The following TRAF3IP1 variants were observed in gnomAD, a reference collection of about 807,000 sequenced individuals.
TRAF3IP1 encodes the protein TRAF3-interacting protein 1.
Under a neutral mutation model 89.9 loss-of-function variants are expected in TRAF3IP1, and 53 were observed. That is an observed-to-expected ratio of 0.59 (90% CI 0.47 to 0.74). TRAF3IP1 has a LOEUF of 0.74. Ranked by LOEUF, TRAF3IP1 falls within the 30% of genes least tolerant of loss-of-function variation. The pLI is 0.00. For missense variants in TRAF3IP1, 806 were observed against 866.1 expected, an observed-to-expected ratio of 0.93 and a Z score of 0.87; for synonymous variants, 311 against 322.1, an observed-to-expected ratio of 0.97 and a Z score of 0.37.
chr2:238,322,289 G>A lies in TRAF3IP1; in HGVS notation c.123+1504G>A, dbSNP rs180847501. Among the ~76,000 whole-genome samples, 71 of 152,348 alleles carry A rather than the reference G, an allele frequency of 4.7e-4. 1 individual carries two copies. The highest frequency in any genetic ancestry group is 7.2e-4 in the Non-Finnish European group (49 of 68,034). ...TGAAATGCAGAGCCCCAGGAGGGAGGTGCAGGGAGTGTGCCTTATCCTTGT... is the reference window on the plus strand; with the variant it reads ...TGAAATGCAGAGCCCCAGGAGGGAGATGCAGGGAGTGTGCCTTATCCTTGT... On this transcript the variant is annotated intron_variant, in intron 1 of 16. Coordinates refer to ENST00000373327, the MANE Select transcript of TRAF3IP1 (RefSeq NM_015650.4).
chr2:238,349,504 G>A (rs1699051127), intron 12 of TRAF3IP1, 96 bp downstream of exon 12: 1 of 1,272,134 alleles, frequency 7.9e-7, no homozygotes, highest in Non-Finnish European at 1.1e-6. Flanking sequence ...AGCAGCACAT[G>A]GTGCTGGAAA....
chr2:238,364,354 T>A (rs1361147722), intron 15 of TRAF3IP1, among the ~76,000 whole-genome samples: 1 of 152,088 alleles, frequency 6.6e-6, no homozygotes. Flanking sequence ...TTGCTCTCTT[T>A]TCAAGAGGAA....
In TRAF3IP1 at chr2:238,399,714, C is replaced by T. The variant is rs772568644; in HGVS notation, c.*795C>T. On this transcript the variant is annotated 3_prime_UTR_variant, in exon 17 of 17. Transcript: ENST00000373327. ...GTCCTTGTTCTCCTTAAGAGGGTCT[C>T]GCTCTGCAAAGCATTGGCGCCATGG... is the stretch of plus-strand genomic sequence containing the variant. 9 of 152,144 alleles carry T rather than the reference C, an allele frequency of 5.9e-5. No homozygotes were observed. The highest frequency in any genetic ancestry group is 1.9e-4 in the African/African-American group (8 of 41,424). The allele number at this position is 152,144 out of a possible 1,614,324, so 9.4% of individuals were successfully genotyped here.
chr2:238,323,271 G>T (rs569171458), intron 1 of TRAF3IP1, among the ~76,000 whole-genome samples: 1 of 152,190 alleles, frequency 6.6e-6, no homozygotes, highest in African/African-American at 2.4e-5. Context: ...TAGAGATGGG[G>T]TTTCGCCATG....
chr2:238,328,755 C>G lies in TRAF3IP1; in HGVS notation c.424C>G (p.Leu142Val). The change falls in exon 4 of 17, where the codon CTG (leucine) becomes GTG (valine). Residue 142 changes from leucine to valine, a missense_variant. Leu to Val is a conservative substitution (Grantham distance 32, BLOSUM62 1). Transcript: ENST00000373327. ...EKGEVKGRAS[L>V]TSRSQELDNK... Reference sequence around the variant, plus strand: ...GGGAGAAGTGAAAGGCCGGGCCTCACTGACCTCAAGATCTCAGGAATTGGA... The same window carrying G: ...GGGAGAAGTGAAAGGCCGGGCCTCAGTGACCTCAAGATCTCAGGAATTGGA... 5.0e-6 allele frequency: 8 copies of G among 1,614,046 alleles called. No homozygotes were observed. The highest frequency in any genetic ancestry group is 6.8e-6 in the Non-Finnish European group (8 of 1,179,992).
chr2:238,352,980 A>G (rs757265277), intron 13 of TRAF3IP1, 30 bp downstream of exon 13: 1 of 1,593,402 alleles, frequency 6.3e-7, no homozygotes, highest in Non-Finnish European at 8.5e-7. Flanking sequence ...ATGTTTTTTA[A>G]TAATAATGTT....
intron 15 of TRAF3IP1, among the ~76,000 whole-genome samples, chr2:238,356,463 C>T (rs1409644509): frequency 1.3e-5 from 2 of 152,110 alleles, no homozygotes; most frequent in African/African-American, 4.8e-5. Context: ...TGCCACGGCA[C>T]TCCAGCCTGG....
chr2:238,374,642 A>C (rs1574957051), intron 15 of TRAF3IP1, among the ~76,000 whole-genome samples: 1 of 152,126 alleles, frequency 6.6e-6, no homozygotes, highest in South Asian at 2.1e-4. Flanking sequence ...TGTTGGCCTC[A>C]TAAAATGAGT....
chr2:238,353,208 T>A lies in TRAF3IP1; in HGVS notation c.1611T>A (p.His537Gln). 1 of 1,614,150 alleles carries A rather than the reference T, an allele frequency of 6.2e-7. No individual in the cohort carries two copies. Among genetic ancestry groups the A allele is most frequent in the Non-Finnish European group, 8.5e-7 (1 of 1,179,990 alleles). The change falls in exon 14 of 17, where the codon CAT (histidine) becomes CAA (glutamine). Residue 537 changes from histidine (H) to glutamine (Q), a missense_variant and splice_region_variant. This residue lies in a region of TRAF3IP1 where 732 missense variants were observed against 780.5 expected (regional missense o/e 0.94). Coordinates refer to ENST00000373327, the MANE Select transcript of TRAF3IP1 (RefSeq NM_015650.4). ...TGGAACTAGAAGAAGAGGAGAAGCA[T>A]GGTGAGTCCTGGGCACGAGTGTGCA... is the stretch of plus-strand genomic sequence containing the variant. ...TAVELEEEEK[H>Q]GGLVKKILET...
At chr2:238,343,317 C>T (rs1240370312) in intron 8 of TRAF3IP1, among the ~76,000 whole-genome samples, 1 of 152,164 alleles carries the variant, frequency 6.6e-6, no homozygotes, top group Non-Finnish European at 1.5e-5. Context: ...CTCTCTTGAG[C>T]TCATGATCCA....
chr2:238,355,937 C>A, intron 14 of TRAF3IP1, 67 bp from the exon 15 acceptor site: 2 of 1,143,876 alleles, frequency 1.7e-6, no homozygotes, highest in Non-Finnish European at 2.6e-6. Context: ...CACCATCCCA[C>A]CCATTTAGAA....
At chr2:238,324,244 T>A (rs1211604630) in intron 1 of TRAF3IP1, among the ~76,000 whole-genome samples, 1 of 152,150 alleles carries the variant, frequency 6.6e-6, no homozygotes. Flanking sequence ...ATTTTTGTAT[T>A]TTTAGTAGAG....
At chr2:238,331,680 C>G (rs1050693379) in intron 5 of TRAF3IP1, among the ~76,000 whole-genome samples, 1 of 152,136 alleles carries the variant, frequency 6.6e-6, no homozygotes, top group Non-Finnish European at 1.5e-5. Flanking sequence ...CTTCTGTGGA[C>G]GATCTGGGGG....
chr2:238,325,259 G>A (rs1405969481), intron 1 of TRAF3IP1, 47 bp from the exon 2 acceptor site: 4 of 1,584,814 alleles, frequency 2.5e-6, no homozygotes, highest in Non-Finnish European at 3.5e-6. Context: ...GGCTGATGAG[G>A]AGGCTGTCTG....
intron 14 of TRAF3IP1, among the ~76,000 whole-genome samples, chr2:238,354,216 C>T (rs991203500): frequency 6.6e-6 from 1 of 152,202 alleles, no homozygotes; most frequent in Non-Finnish European, 1.5e-5. Context: ...TCCCAGTACA[C>T]TCTTTAGCTT....
At chr2:238,391,602 G>T (rs1237595892) in intron 15 of TRAF3IP1, among the ~76,000 whole-genome samples, 1 of 152,108 alleles carries the variant, frequency 6.6e-6, no homozygotes, top group African/African-American at 2.4e-5. Flanking sequence ...CAGCCCAAGT[G>T]TACTTATTTT....
chr2:238,323,321 C>T (rs1001743033), intron 1 of TRAF3IP1, among the ~76,000 whole-genome samples: 2 of 152,264 alleles, frequency 1.3e-5, no homozygotes, highest in South Asian at 2.1e-4. Context: ...TCAGGTGATC[C>T]GCCTGCCTCG....
In TRAF3IP1 at chr2:238,344,485, G is replaced by C; in HGVS notation, c.1160-12G>C. ...CAGTCTTAATGACTAATTTTAAACT[G>C]TTTTATGTCAGGAACAAAAGAAGCT... On this transcript the variant is annotated splice_polypyrimidine_tract_variant and intron_variant, in intron 8 of 16. Transcript: ENST00000373327. 1 of 1,611,014 alleles carries C rather than the reference G, an allele frequency of 6.2e-7. No individual in the cohort carries two copies. Among genetic ancestry groups the C allele is most frequent in the Non-Finnish European group, 8.5e-7 (1 of 1,177,204 alleles).
chr2:238,329,161 G>C lies in TRAF3IP1; in HGVS notation c.734G>C (p.Arg245Pro). 2 of 1,555,054 alleles carry C rather than the reference G, an allele frequency of 1.3e-6. No individual in the cohort carries two copies. Among genetic ancestry groups the C allele is most frequent in the Non-Finnish European group, 1.7e-6 (2 of 1,152,152 alleles). ...GNRERDRDSE[R>P]KKETERKSEG... is the part of the protein sequence containing the mutation. The stretch of plus-strand genomic sequence containing the variant: ...AGGGAGCGGGACAGAGACTCCGAGC[G>C]CAAGAAGGAGACAGAGAGAAAGAGT... The change falls in exon 5 of 17, where the codon CGC (arginine) becomes CCC (proline). Residue 245 changes from arginine to proline, a missense_variant. This residue lies in a region of TRAF3IP1 where 732 missense variants were observed against 780.5 expected (regional missense o/e 0.94). Coordinates refer to ENST00000373327, the MANE Select transcript of TRAF3IP1 (RefSeq NM_015650.4).
Sources: gnomAD v4.1 joint callset for allele counts (sites outside exome capture counted in the v4.1 genomes callset) on GRCh38, gnomAD v4.1.1 for gene constraint, gnomAD v4.1.1 regional missense constraint, MANE v1.5 for transcripts, NCBI Gene and HGNC (gene_info 2026-07-23, HGNC 2026-07-21) for gene names.